Variants in IGSF21 observed in about 807,000 individuals in gnomAD.
IGSF21 encodes the protein immunoglobin superfamily member 21.
IGSF21 carries 28 observed loss-of-function variants against 46.8 expected under a neutral mutation model. That is an observed-to-expected ratio of 0.60 (90% CI 0.44 to 0.82). The LOEUF is 0.82. Ranked by LOEUF, IGSF21 falls within the 40% of genes least tolerant of loss-of-function variation. The pLI, the probability that IGSF21 is intolerant of heterozygous loss-of-function variation, is 0.00. For missense variants in IGSF21, 624 were observed against 665.5 expected (o/e 0.94, Z 0.69); for synonymous variants, 284 against 273.6 (o/e 1.04, Z -0.38).
At chr1:18,370,663 G>T (rs934677072) in intron 6 of IGSF21, among the ~76,000 whole-genome samples, 1 of 151,988 alleles carries the variant, frequency 6.6e-6, no homozygotes, top group African/African-American at 2.4e-5. Flanking sequence ...TGAGAAAAAA[G>T]AAAAGCAAAC....
intron 1 of IGSF21, among the ~76,000 whole-genome samples, chr1:18,171,258 A>G (rs1294299890): frequency 1.3e-5 from 2 of 152,002 alleles, no homozygotes; most frequent in East Asian, 1.9e-4. Flanking sequence ...CAGATTCACA[A>G]TCCTCCCAAA....
intron 2 of IGSF21, among the ~76,000 whole-genome samples, chr1:18,262,353 G>A (rs74827491): frequency 0.03 from 4,512 of 152,284 alleles, 226 homozygotes; most frequent in African/African-American, 0.1. Flanking sequence ...GACACGTGAG[G>A]ACGGATGGGA....
chr1:18,146,213 C>A (rs966009318), intron 1 of IGSF21, among the ~76,000 whole-genome samples: 16 of 152,178 alleles, frequency 1.1e-4, no homozygotes, highest in African/African-American at 3.9e-4. Flanking sequence ...GAATTTCTTG[C>A]AAACTGCAAA....
At position 18,141,619 on chromosome 1, in the gene IGSF21, C is replaced by T. The variant is rs9725805; in HGVS notation, c.70+33421C>T. On this transcript the variant is annotated intron_variant, in intron 1 of 9. Transcript: ENST00000251296. Reference sequence around the variant, plus strand: ...GGACCTGGAGAGCTAATTCTCTGCTCTACTCTCAACTTGCTGGATGACTTT... The same window carrying T: ...GGACCTGGAGAGCTAATTCTCTGCTTTACTCTCAACTTGCTGGATGACTTT... 4.9e-3 allele frequency among the ~76,000 whole-genome samples: 746 copies of T among 152,270 alleles called. 4 individuals are homozygous for T. Among genetic ancestry groups the T allele is most frequent in the African/African-American group, 0.017 (708 of 41,558 alleles).
chr1:18,226,878 C>T (rs928078778), intron 1 of IGSF21, among the ~76,000 whole-genome samples: 3 of 152,230 alleles, frequency 2.0e-5, no homozygotes, highest in African/African-American at 7.2e-5. Context: ...GGATGATCAG[C>T]CCAGGAATGA....
intron 2 of IGSF21, among the ~76,000 whole-genome samples, chr1:18,242,529 G>A (rs2084742090): frequency 6.6e-6 from 1 of 152,146 alleles, no homozygotes. Context: ...GTCAAGTAGT[G>A]GTTCTTGGGG....
chr1:18,377,012 G>T lies in IGSF21; in HGVS notation c.1294+20G>T. 1.3e-6 allele frequency: 2 copies of T among 1,574,474 alleles called. No homozygotes were observed. Among genetic ancestry groups the T allele is most frequent in the Non-Finnish European group, 1.7e-6 (2 of 1,154,742 alleles). ...TGTTTGGTATGGCGCGCTCAACTGGGGACTGGGAGAACAACCACAGGGGCG... is the reference window on the plus strand; with the variant it reads ...TGTTTGGTATGGCGCGCTCAACTGGTGACTGGGAGAACAACCACAGGGGCG... On this transcript the variant is annotated intron_variant, in intron 8 of 9. Transcript: ENST00000251296.
intron 1 of IGSF21, among the ~76,000 whole-genome samples, chr1:18,158,545 C>T (rs1261538881): frequency 3.9e-5 from 6 of 152,108 alleles, no homozygotes; most frequent in Admixed American, 1.3e-4. Context: ...AGGGCAGCGT[C>T]GGGGAACAGT....
chr1:18,289,962 C>T (rs1309382268), intron 2 of IGSF21, among the ~76,000 whole-genome samples: 3 of 152,154 alleles, frequency 2.0e-5, no homozygotes, highest in African/African-American at 7.2e-5. Flanking sequence ...GGCCTCTACC[C>T]CAGGCTGGGA....
intron 1 of IGSF21, among the ~76,000 whole-genome samples, chr1:18,159,396 T>A (rs912774523): frequency 2.0e-5 from 3 of 152,224 alleles, no homozygotes; most frequent in African/African-American, 7.2e-5. Context: ...TGATATAGTT[T>A]GGCTGTGTCC....
intron 1 of IGSF21, among the ~76,000 whole-genome samples, chr1:18,161,268 G>A (rs2086619613): frequency 6.6e-6 from 1 of 152,152 alleles, no homozygotes; most frequent in African/African-American, 2.4e-5. Context: ...TTCACACAAT[G>A]CCTGCTGTAT....
intron 3 of IGSF21, among the ~76,000 whole-genome samples, chr1:18,305,126 G>A (rs2085406197): frequency 1.3e-5 from 2 of 152,214 alleles, no homozygotes; most frequent in African/African-American, 4.8e-5. Flanking sequence ...CAGAAGATGA[G>A]TGGTTAAGAG....
chr1:18,299,014 G>A (rs552180011), intron 3 of IGSF21, among the ~76,000 whole-genome samples: 2 of 152,338 alleles, frequency 1.3e-5, no homozygotes, highest in African/African-American at 2.4e-5. Context: ...TAAAGTGATC[G>A]CTGTCATAGA....
At chr1:18,265,452 C>T (rs1005771026) in intron 2 of IGSF21, among the ~76,000 whole-genome samples, 2 of 152,214 alleles carry the variant, frequency 1.3e-5, no homozygotes, top group Admixed American at 6.5e-5. Flanking sequence ...CTCCTGCAAG[C>T]TTCCATTCTG....
intron 1 of IGSF21, among the ~76,000 whole-genome samples, chr1:18,179,729 C>T (rs953775533): frequency 2.0e-5 from 3 of 152,094 alleles, no homozygotes; most frequent in African/African-American, 7.2e-5. Context: ...CAGGGGATGG[C>T]AGAGCCACCC....
At chr1:18,354,475 T>C (rs577764619) in intron 4 of IGSF21, among the ~76,000 whole-genome samples, 2 of 152,374 alleles carry the variant, frequency 1.3e-5, no homozygotes, top group African/African-American at 4.8e-5. Context: ...GACACTTTTA[T>C]ATTAAAAAGG....
At chr1:18,199,521 A>G (rs1383611619) in intron 1 of IGSF21, among the ~76,000 whole-genome samples, 3 of 152,064 alleles carry the variant, frequency 2.0e-5, no homozygotes, top group African/African-American at 7.2e-5. Context: ...CTGTCAATCC[A>G]GGCATCCGAC....
intron 2 of IGSF21, among the ~76,000 whole-genome samples, chr1:18,271,731 A>T (rs1356794663): frequency 6.6e-6 from 1 of 152,142 alleles, no homozygotes; most frequent in Non-Finnish European, 1.5e-5. Context: ...TTGGGCTCAA[A>T]CCCACCTGTG....
At chr1:18,253,495 C>G (rs1350810216) in intron 2 of IGSF21, among the ~76,000 whole-genome samples, 2 of 152,218 alleles carry the variant, frequency 1.3e-5, no homozygotes, top group African/African-American at 4.8e-5. Context: ...AGAGAACCCC[C>G]AGGCTGGATC....
Sources: gnomAD v4.1 joint callset for allele counts (sites outside exome capture counted in the v4.1 genomes callset) on GRCh38, gnomAD v4.1.1 for gene constraint, MANE v1.5 for transcripts, NCBI Gene and HGNC (gene_info 2026-07-23, HGNC 2026-07-21) for gene names.